The following DIO1 variants were observed in gnomAD, a reference collection of about 807,000 sequenced individuals.
DIO1 encodes the protein iodothyronine deiodinase 1, also known as type I iodothyronine deiodinase.
In DIO1, 17 loss-of-function variants were observed where a neutral mutation model predicts 25.9. The observed-to-expected ratio is 0.66, with a 90% CI of 0.45 to 0.98. The LOEUF is 0.98. Among genes scored for constraint, DIO1 ranks in the 50% least tolerant of loss-of-function variants. DIO1 has a pLI of 0.00. For missense variants in DIO1, 270 were observed against 310.4 expected (o/e 0.87, Z 0.98); for synonymous variants, 115 against 114.0 (o/e 1.01, Z -0.05).
chr1:53,901,376 GA>G (rs1651358715), intron 1 of DIO1, among the ~76,000 whole-genome samples: 1 of 152,108 alleles, frequency 6.6e-6, no homozygotes, highest in Admixed American at 6.5e-5. Flanking sequence ...GTGCTTTCCA[GA>G]AACAATATCA....
chr1:53,899,947 C>T (rs558033642), intron 1 of DIO1, among the ~76,000 whole-genome samples: 26 of 152,222 alleles, frequency 1.7e-4, no homozygotes, highest in Non-Finnish European at 3.2e-4. Context: ...AGTGACCAGC[C>T]ACTTGGCCAC....
At chr1:53,898,935 T>C (rs1651220819) in intron 1 of DIO1, among the ~76,000 whole-genome samples, 1 of 152,110 alleles carries the variant, frequency 6.6e-6, no homozygotes, top group Non-Finnish European at 1.5e-5. Flanking sequence ...GAGAGGTGAA[T>C]GACTCGCTTA....
chr1:53,909,373 G>A (rs908831923), intron 3 of DIO1, among the ~76,000 whole-genome samples: 7 of 151,892 alleles, frequency 4.6e-5, no homozygotes, highest in Admixed American at 1.3e-4. Context: ...TCAAGATTGC[G>A]CCATTGCACT....
At chr1:53,907,819 G>A (rs368319793) in intron 3 of DIO1, among the ~76,000 whole-genome samples, 105 of 150,656 alleles carry the variant, frequency 7.0e-4, no homozygotes, top group African/African-American at 2.3e-3. Context: ...GCTGAAGCAG[G>A]AGAATCGCTT....
intron 1 of DIO1, among the ~76,000 whole-genome samples, chr1:53,897,089 C>T (rs1651115438): frequency 6.6e-6 from 1 of 152,246 alleles, no homozygotes; most frequent in South Asian, 2.1e-4. Flanking sequence ...CAGTTCAGTT[C>T]CCTGAAAGCC....
intron 1 of DIO1, among the ~76,000 whole-genome samples, chr1:53,902,212 T>C (rs1419602739): frequency 1.3e-5 from 2 of 151,824 alleles, no homozygotes; most frequent in East Asian, 3.9e-4. Context: ...TTTTCATTTC[T>C]CAGGTTAAAT....
intron 1 of DIO1, among the ~76,000 whole-genome samples, chr1:53,902,628 G>A (rs1338509425): frequency 6.6e-6 from 1 of 151,706 alleles, no homozygotes; most frequent in African/African-American, 2.4e-5. Flanking sequence ...ATAAATGTAT[G>A]GTAAGGGCTC....
intron 1 of DIO1, among the ~76,000 whole-genome samples, chr1:53,895,415 G>A (rs775137722): frequency 6.8e-6 from 1 of 146,464 alleles, no homozygotes; most frequent in Non-Finnish European, 1.5e-5. Context: ...AGAGTGAGAC[G>A]CTGTCACAAA....
intron 1 of DIO1, among the ~76,000 whole-genome samples, chr1:53,903,961 T>C (rs1000863398): frequency 6.6e-6 from 1 of 150,424 alleles, no homozygotes; most frequent in African/African-American, 2.5e-5. Context: ...ATGCAGCTGG[T>C]CCTGCTCCTA....
At position 53,898,683 on chromosome 1, in the gene DIO1, T is replaced by C. The variant is rs1341676890; in HGVS notation, c.337+4136T>C. The stretch of plus-strand genomic sequence containing the variant: ...TTGCTTGAACCCGGGAGGTGGAGTT[T>C]GTAGTGAGCTGAGATTGCGCCACTG... On this transcript the variant is annotated intron_variant, in intron 1 of 3. Coordinates refer to ENST00000361921, the MANE Select transcript of DIO1 (RefSeq NM_000792.7). Among the ~76,000 whole-genome samples, 33 of 148,476 alleles carry C rather than the reference T, an allele frequency of 2.2e-4. 1 individual carries two copies. In the Admixed American group the frequency reaches 2.2e-3, roughly 10 times the overall value.
Position 53,894,235 on chromosome 1 carries a change from T to C in DIO1, c.25T>C (p.Trp9Arg). The C allele has an allele frequency of 6.2e-7, 1 of 1,614,024 alleles. No individual in the cohort carries two copies. Among genetic ancestry groups the C allele is most frequent in the Non-Finnish European group, 8.5e-7 (1 of 1,179,874 alleles). Residue 9 changes from tryptophan to arginine, a missense_variant, in exon 1 of 4, where the codon TGG becomes CGG. Physicochemically the swap from Trp to Arg is moderately radical, Grantham distance 101. Transcript: ENST00000361921. This position sits in a 1 kb window ranked among gnomAD's most constrained non-coding sequence, Gnocchi z 4.9. ...GATGGGGCTGCCCCAGCCAGGGCTG[T>C]GGCTGAAGAGGCTCTGGGTGCTCTT... MGLPQPGLWLKRLWVLLEV... is the reference protein window; with the variant it reads MGLPQPGLRLKRLWVLLEV...
intron 2 of DIO1, 53 bp from the exon 3 acceptor site, chr1:53,906,042 C>A: frequency 6.4e-7 from 1 of 1,556,456 alleles, no homozygotes; most frequent in Non-Finnish European, 8.8e-7. Context: ...ATTTAGTCTG[C>A]AGGAAGTGTG....
chr1:53,909,805 G>A, intron 3 of DIO1, 126 bp from the exon 4 acceptor site: 2 of 837,994 alleles, frequency 2.4e-6, no homozygotes, highest in Non-Finnish European at 2.0e-6. Flanking sequence ...CATTGAATTA[G>A]CCATGCTGAT....
chr1:53,903,210 A>G (rs1651463699), intron 1 of DIO1: 1 of 151,988 alleles, frequency 6.6e-6, no homozygotes. Flanking sequence ...CCATAGTGCA[A>G]TTCGCCAAGT....
chr1:53,898,550 G>T (rs960260269), intron 1 of DIO1, among the ~76,000 whole-genome samples: 1 of 152,082 alleles, frequency 6.6e-6, no homozygotes, highest in African/African-American at 2.4e-5. Flanking sequence ...TTCGAGACCA[G>T]CCTGGCCAAC....
intron 1 of DIO1, among the ~76,000 whole-genome samples, chr1:53,895,496 C>T (rs754241525): frequency 3.3e-5 from 5 of 152,228 alleles, no homozygotes; most frequent in African/African-American, 4.8e-5. Context: ...GTTTCGTCGA[C>T]TTGAGTTCTT....
intron 3 of DIO1, among the ~76,000 whole-genome samples, chr1:53,907,109 G>A (rs1047459254): frequency 8.5e-5 from 13 of 152,230 alleles, no homozygotes; most frequent in Admixed American, 2.0e-4. Context: ...CTGAACCAGG[G>A]CTGGCGGGGT....
chr1:53,898,749 A>AG (rs1377075581), intron 1 of DIO1, among the ~76,000 whole-genome samples: 3 of 109,542 alleles, frequency 2.7e-5, no homozygotes, highest in Non-Finnish European at 6.1e-5. Context: ...TGTCTCAAAA[A>AG]AAAAAAAAAA....
In DIO1 at chr1:53,894,593, G is replaced by A. The variant is rs1650978769; in HGVS notation, c.337+46G>A. ...TTGAGGGGTGCTTGAAATAGCAGTG[G>A]TAGAGGGGGATGAAGAGATGGGTTG... On this transcript the variant is annotated intron_variant, in intron 1 of 3. Coordinates refer to ENST00000361921, the MANE Select transcript of DIO1 (RefSeq NM_000792.7). The surrounding 1 kb of genome is among the most constrained non-coding windows in gnomAD (Gnocchi z 4.9). 1 of 1,535,310 alleles carries A rather than the reference G, an allele frequency of 6.5e-7. No homozygotes were observed. The highest frequency in any genetic ancestry group is 1.9e-5 in the Admixed American group (1 of 51,438).
Sources: gnomAD v4.1 joint callset for allele counts (sites outside exome capture counted in the v4.1 genomes callset) on GRCh38, gnomAD v4.1.1 for gene constraint, Gnocchi (gnomAD v3.1) non-coding constraint, MANE v1.5 for transcripts, NCBI Gene and HGNC (gene_info 2026-07-23, HGNC 2026-07-21) for gene names.